The following TANGO6 variants were observed in gnomAD, a reference collection of about 807,000 sequenced individuals.
TANGO6 encodes transport and golgi organization 6 homolog.
TANGO6 carries 90 observed loss-of-function variants against 114.2 expected under a neutral mutation model. The ratio of observed to expected loss-of-function variants is 0.79; its 90% confidence interval spans 0.66 to 0.94. TANGO6 has a LOEUF of 0.94. Among genes scored for constraint, TANGO6 ranks in the 40% least tolerant of loss-of-function variants. The pLI is 0.00. For missense variants in TANGO6, 1,274 were observed against 1,315.3 expected (o/e 0.97, Z 0.49); for synonymous variants, 477 against 509.8 (o/e 0.94, Z 0.87).
intron 17 of TANGO6, among the ~76,000 whole-genome samples, chr16:69,069,797 A>G (rs375667574): frequency 5.8e-4 from 89 of 152,214 alleles, no homozygotes; most frequent in African/African-American, 2.1e-3. Flanking sequence ...TCTAAATACA[A>G]CTGTTACAAG....
chr16:69,073,623 T>G (rs1006345968), intron 17 of TANGO6, among the ~76,000 whole-genome samples: 5 of 152,082 alleles, frequency 3.3e-5, no homozygotes, highest in African/African-American at 1.2e-4. Flanking sequence ...GCGGCCAGCC[T>G]CAGGAAAAAT....
chr16:68,878,815 G>A (rs1962410897), intron 6 of TANGO6, among the ~76,000 whole-genome samples: 1 of 151,912 alleles, frequency 6.6e-6, no homozygotes, highest in South Asian at 2.1e-4. Context: ...GCTCATGCTT[G>A]TAATCTCAGC....
At chr16:68,921,607 CTTTTTTT>C (rs1167059062) in intron 12 of TANGO6, among the ~76,000 whole-genome samples, 2 of 57,942 alleles carry the variant, frequency 3.5e-5, no homozygotes, top group South Asian at 5.0e-4. Context: ...TGAGAGTGTG[CTTTTTTT>C]TTTTTTTTTT....
intron 15 of TANGO6, among the ~76,000 whole-genome samples, chr16:68,984,429 C>G (rs184039750): frequency 6.1e-4 from 93 of 152,182 alleles, no homozygotes; most frequent in African/African-American, 2.2e-3. Flanking sequence ...TTTCTCACAT[C>G]AATTTTTTGA....
At chr16:68,911,415 C>CCT (rs1567537968) in intron 11 of TANGO6, among the ~76,000 whole-genome samples, 9 of 133,612 alleles carry the variant, frequency 6.7e-5, no homozygotes, top group Admixed American at 7.6e-5. Context: ...TTTATAGTTT[C>CCT]TTTTTTTTTT....
intron 17 of TANGO6, among the ~76,000 whole-genome samples, chr16:69,054,640 A>T (rs2152238162): frequency 6.6e-6 from 1 of 152,120 alleles, no homozygotes; most frequent in Non-Finnish European, 1.5e-5. Flanking sequence ...TAGTATCAAA[A>T]CTTTTGTTGC....
At chr16:69,023,116 A>G in intron 16 of TANGO6, 137 bp downstream of exon 16, 1 of 903,842 alleles carries the variant, frequency 1.1e-6, no homozygotes, top group South Asian at 2.0e-5. Context: ...CAAGTGAGCC[A>G]TTGAACTTCC....
chr16:68,925,083 G>C (rs575310185), intron 12 of TANGO6, among the ~76,000 whole-genome samples: 1 of 152,214 alleles, frequency 6.6e-6, no homozygotes, highest in East Asian at 1.9e-4. Context: ...GGCTGAGGTG[G>C]GCGGATCACA....
Position 68,902,386 on chromosome 16 carries a change from A to G in TANGO6, c.1549A>G (p.Ile517Val), listed in dbSNP as rs780426901. 1.9e-6 allele frequency: 3 copies of G among 1,613,700 alleles called. No individual in the cohort carries two copies. Among genetic ancestry groups the G allele is most frequent in the Non-Finnish European group, 2.5e-6 (3 of 1,179,790 alleles). ...GGGGAAGCTGGAAAGGAAGAAGGCA[A>G]TTGCCAGCCTGAAAGGATTTGCAGG... ...ILGKLERKKA[I>V]ASLKGFAGLD... is the part of the protein sequence containing the mutation. The change falls in exon 9 of 18, where the codon ATT becomes GTT. Residue 517 changes from isoleucine to valine, a missense_variant. This residue lies in a region of TANGO6 where 908 missense variants were observed against 910.2 expected (regional missense o/e 1.00). Coordinates refer to ENST00000261778, the MANE Select transcript of TANGO6 (RefSeq NM_024562.2).
At chr16:69,072,026 C>CGTGTGTGTGTGT (rs58310609) in intron 17 of TANGO6, among the ~76,000 whole-genome samples, 1,065 of 92,978 alleles carry the variant, frequency 0.011, 39 homozygotes, top group Middle Eastern at 0.029. Flanking sequence ...AGAGGGAGAC[C>CGTGTGTGTGTGT]GTGTGTGTGT....
intron 17 of TANGO6, among the ~76,000 whole-genome samples, chr16:69,061,918 C>G (rs540778071): frequency 6.6e-6 from 1 of 151,862 alleles, no homozygotes; most frequent in East Asian, 2.0e-4. Context: ...AGTCAGGAGG[C>G]TGAGGCAGGA....
At position 68,858,225 on chromosome 16, in the gene TANGO6, G is replaced by A. The variant is rs190309296; in HGVS notation, c.95-1659G>A. Among the ~76,000 whole-genome samples the A allele has an allele frequency of 7.2e-3, 1,095 of 152,122 alleles. 33 individuals carry two copies. Among genetic ancestry groups the A allele is most frequent in the South Asian group, 7.7e-3 (37 of 4,824 alleles). On this transcript the variant is annotated intron_variant, in intron 1 of 17. Transcript: ENST00000261778. ...ATTACAGGCACCTGCCACCATGCCC[G>A]ATTAATTTTTGTATTTTTGGTAGAG...
intron 16 of TANGO6, among the ~76,000 whole-genome samples, chr16:69,024,122 G>A (rs1045900436): frequency 6.6e-6 from 1 of 152,106 alleles, no homozygotes; most frequent in Admixed American, 6.6e-5. Flanking sequence ...GGTTGGTCTC[G>A]AACTCCTGAC....
At chr16:68,997,460 T>C (rs1373249123) in intron 15 of TANGO6, among the ~76,000 whole-genome samples, 1 of 152,238 alleles carries the variant, frequency 6.6e-6, no homozygotes, top group African/African-American at 2.4e-5. Context: ...GGGTAATGTC[T>C]GGACATTGCT....
intron 14 of TANGO6, among the ~76,000 whole-genome samples, chr16:68,954,800 G>A (rs548164905): frequency 9.9e-5 from 15 of 152,264 alleles, no homozygotes; most frequent in African/African-American, 3.4e-4. Context: ...CATTATTTTA[G>A]GCCAGTGGGT....
rs1232483886 is a variant in TANGO6, at chr16:68,945,967, G to C, written c.2701+15672G>C. 2.0e-5 allele frequency among the ~76,000 whole-genome samples: 3 copies of C among 152,142 alleles called. No homozygotes were observed. The East Asian group carries it at 5.8e-4, about 29-fold the overall frequency. ...CCCAAAATGCTAGGATTATAGGCGT[G>C]AGCCACTGCGCCCAGCCTCTTTGCC... On this transcript the variant is annotated intron_variant, in intron 14 of 17. Coordinates refer to ENST00000261778, the MANE Select transcript of TANGO6 (RefSeq NM_024562.2).
intron 5 of TANGO6, among the ~76,000 whole-genome samples, chr16:68,876,944 T>C (rs1034059266): frequency 1.3e-5 from 2 of 152,212 alleles, no homozygotes; most frequent in African/African-American, 4.8e-5. Flanking sequence ...TTGATGCACA[T>C]TTGAGTTGTT....
intron 12 of TANGO6, among the ~76,000 whole-genome samples, chr16:68,926,222 C>T (rs913658430): frequency 1.3e-5 from 2 of 151,972 alleles, no homozygotes; most frequent in Admixed American, 6.6e-5. Context: ...GGCCGGGCAC[C>T]GTGGCTCATG....
intron 6 of TANGO6, 123 bp from the exon 7 acceptor site, chr16:68,880,425 C>A: frequency 1.7e-6 from 1 of 582,514 alleles, no homozygotes; most frequent in Non-Finnish European, 3.0e-6. Flanking sequence ...CAATGATAAC[C>A]ATTTTCTGAT....
Sources: gnomAD v4.1 joint callset for allele counts (sites outside exome capture counted in the v4.1 genomes callset) on GRCh38, gnomAD v4.1.1 for gene constraint, gnomAD v4.1.1 regional missense constraint, MANE v1.5 for transcripts, NCBI Gene and HGNC (gene_info 2026-07-23, HGNC 2026-07-21) for gene names.